The following USH2A variants were observed in gnomAD, a reference collection of about 807,000 sequenced individuals.
USH2A encodes the protein Usher syndrome 2A (autosomal recessive, mild).
In USH2A, 443 loss-of-function variants were observed where a neutral mutation model predicts 538.9. The ratio of observed to expected loss-of-function variants is 0.82; its 90% CI spans 0.76 to 0.89. The LOEUF (loss-of-function observed/expected upper bound fraction) is 0.89, where lower values mean the gene tolerates loss of function less well. Among genes scored for constraint, USH2A ranks in the 40% least tolerant of loss-of-function variants. The pLI, the probability that USH2A is intolerant of heterozygous loss-of-function variation, is 0.00. For synonymous variants in USH2A, 2,413 were observed against 2,273.5 expected, an observed-to-expected ratio of 1.06 and a Z score of -1.75; for missense variants, 6,633 against 6,324.8, an observed-to-expected ratio of 1.05 and a Z score of -1.65.
In USH2A at chr1:216,073,267, G is replaced by A. The variant is rs747972422; in HGVS notation, c.5606C>T (p.Thr1869Ile). The A allele has an allele frequency of 1.9e-6, 3 of 1,613,700 alleles. No individual in the cohort carries two copies. Among genetic ancestry groups the A allele is most frequent in the Non-Finnish European group, 2.5e-6 (3 of 1,179,934 alleles). The change falls in exon 28 of 72, where the codon ACA (threonine) becomes ATA (isoleucine). Residue 1869 changes from threonine (T) to isoleucine (I), a missense_variant. Transcript: ENST00000307340. Reference protein sequence around the residue: ...FGGCMKDVKFTRGAVVNLASV... With the variant: ...FGGCMKDVKFIRGAVVNLASV... ...TGCCAAGTTAACGACAGCACCCCGT[G>A]TAAATTTAACATCCTTCATGCAACC...
chr1:215,775,134 C>G (rs1490731018), intron 55 of USH2A, among the ~76,000 whole-genome samples: 5 of 152,088 alleles, frequency 3.3e-5, no homozygotes, highest in African/African-American at 4.8e-5. Context: ...TTCTTGCTAT[C>G]TGTTTTAATT....
At chr1:216,290,232 A>G (rs1006968173) in intron 10 of USH2A, among the ~76,000 whole-genome samples, 29 of 152,322 alleles carry the variant, frequency 1.9e-4, no homozygotes, top group African/African-American at 7.0e-4. Context: ...TTTCTCCAAT[A>G]TTTGAAGACT....
At chr1:216,118,660 T>C (rs1001479297) in intron 21 of USH2A, among the ~76,000 whole-genome samples, 8 of 152,250 alleles carry the variant, frequency 5.3e-5, no homozygotes, top group African/African-American at 1.9e-4. Flanking sequence ...ATACCTGGTT[T>C]CTGTTTTTTA....
chr1:216,331,388 G>T (rs2037860833), intron 4 of USH2A, among the ~76,000 whole-genome samples: 1 of 152,078 alleles, frequency 6.6e-6, no homozygotes, highest in African/African-American at 2.4e-5. Context: ...CCTCATAGCT[G>T]TCTAGTCAGA....
chr1:215,674,768 C>T lies in USH2A; in HGVS notation c.13143G>A (p.Val4381=). The part of the protein sequence containing the change: ...QMNVCWSPPT[V]QNGKITKYLV... ...AATATTTAGTAATCTTTCCATTTTG[C>T]ACTGTGGGCGGTGACCAACATACAT... The change falls in exon 63 of 72, where the codon GTG becomes GTA. Residue 4381 remains valine, a synonymous_variant. Coordinates refer to ENST00000307340, the MANE Select transcript of USH2A (RefSeq NM_206933.4). 6.2e-7 allele frequency: 1 copy of T among 1,614,104 alleles called. No homozygotes were observed. The highest frequency in any genetic ancestry group is 8.5e-7 in the Non-Finnish European group (1 of 1,180,030).
intron 52 of USH2A, among the ~76,000 whole-genome samples, chr1:215,784,655 TAA>T (rs765216954): frequency 3.3e-5 from 5 of 152,204 alleles, no homozygotes; most frequent in Admixed American, 6.5e-5. Context: ...TGTAAGTTTC[TAA>T]AAGAGTCTGA....
intron 3 of USH2A, among the ~76,000 whole-genome samples, chr1:216,401,294 AC>A (rs1158492681): frequency 6.6e-6 from 1 of 152,080 alleles, no homozygotes; most frequent in Admixed American, 6.5e-5. Context: ...AAAAAGATAT[AC>A]CCAAAATGCT....
intron 32 of USH2A, among the ~76,000 whole-genome samples, chr1:216,014,841 T>C (rs77499755): frequency 0.018 from 2,765 of 152,334 alleles, 80 homozygotes; most frequent in African/African-American, 0.063. Context: ...TATTTTACGA[T>C]TGATTTCATG....
intron 38 of USH2A, among the ~76,000 whole-genome samples, chr1:215,901,932 G>T (rs1322219080): frequency 6.6e-6 from 1 of 152,042 alleles, no homozygotes; most frequent in Non-Finnish European, 1.5e-5. Flanking sequence ...TCTAAAGTAG[G>T]TATAATATTT....
At chr1:215,852,845 C>T (rs1257069445) in intron 44 of USH2A, among the ~76,000 whole-genome samples, 1 of 152,186 alleles carries the variant, frequency 6.6e-6, no homozygotes, top group African/African-American at 2.4e-5. Flanking sequence ...GAGGTGGGTT[C>T]CCATGGTCTT....
At chr1:215,804,981 G>T (rs28868575) in intron 49 of USH2A, among the ~76,000 whole-genome samples, 62,872 of 151,476 alleles carry the variant, frequency 0.42, 13,922 homozygotes, top group Admixed American at 0.55. Context: ...CATGTTCTTT[G>T]TAGGGACATG....
intron 13 of USH2A, among the ~76,000 whole-genome samples, chr1:216,240,518 C>T (rs1426794301): frequency 1.4e-5 from 2 of 139,248 alleles, no homozygotes; most frequent in African/African-American, 5.4e-5. Context: ...ACTTCCAGGT[C>T]GTTAAAAAAA....
At chr1:215,795,968 TAATA>T (rs1241156193) in intron 50 of USH2A, among the ~76,000 whole-genome samples, 4 of 152,092 alleles carry the variant, frequency 2.6e-5, no homozygotes, top group African/African-American at 9.7e-5. Flanking sequence ...AGACATAAAA[TAATA>T]AATCTATAAC....
intron 64 of USH2A, among the ~76,000 whole-genome samples, chr1:215,654,879 A>G (rs1657192423): frequency 6.6e-6 from 1 of 152,174 alleles, no homozygotes; most frequent in Non-Finnish European, 1.5e-5. Flanking sequence ...TCCTACCCCA[A>G]AGGACTAATT....
chr1:216,323,466 A>C lies in USH2A; in HGVS notation c.1550+8T>G, dbSNP rs1571700973. ...AAACCTTGTTGAAAACAAAATTCAT[A>C]ATAATACCTCCCACTAATGGTGATT... On this transcript the variant is annotated splice_region_variant and intron_variant, in intron 8 of 71. Transcript: ENST00000307340. 3 of 1,612,868 alleles carry C rather than the reference A, an allele frequency of 1.9e-6. No individual in the cohort carries two copies. The South Asian group carries it at 3.3e-5, about 18-fold the overall frequency.
Position 215,817,171 on chromosome 1 carries a change from A to G in USH2A, c.9396T>C (p.Ser3132=). The G allele has an allele frequency of 6.2e-7, 1 of 1,612,370 alleles. No individual in the cohort carries two copies. Among genetic ancestry groups the G allele is most frequent in the Non-Finnish European group, 8.5e-7 (1 of 1,178,782 alleles). The change falls in exon 48 of 72, where the codon TCT becomes TCC. Residue 3132 remains serine (S), a synonymous_variant. Transcript: ENST00000307340. ...GAATGATGCCATTTGGCTTCCGTGGAGACACCCAATCAATTTGAAGAGATC... is the reference window on the plus strand; with the variant it reads ...GAATGATGCCATTTGGCTTCCGTGGGGACACCCAATCAATTTGAAGAGATC... ...TSRSLQIDWV[S]PRKPNGIILG...
chr1:215,922,646 A>T (rs896084920), intron 38 of USH2A, among the ~76,000 whole-genome samples: 1 of 152,082 alleles, frequency 6.6e-6, no homozygotes, highest in Non-Finnish European at 1.5e-5. Flanking sequence ...GAATCTCATT[A>T]AAACACAGAT....
chr1:215,709,019 A>G (rs1659261967), intron 61 of USH2A, among the ~76,000 whole-genome samples: 1 of 152,234 alleles, frequency 6.6e-6, no homozygotes, highest in African/African-American at 2.4e-5. Flanking sequence ...AATGAAGAAC[A>G]AATAAATGGC....
chr1:215,912,492 T>TATATATATAC (rs759012881), intron 38 of USH2A, among the ~76,000 whole-genome samples: 5 of 34,996 alleles, frequency 1.4e-4, no homozygotes, highest in African/African-American at 5.1e-4. Context: ...TATATATATG[T>TATATATATAC]GTATATATAT....
Sources: gnomAD v4.1 joint callset for allele counts (sites outside exome capture counted in the v4.1 genomes callset) on GRCh38, gnomAD v4.1.1 for gene constraint, MANE v1.5 for transcripts, NCBI Gene and HGNC (gene_info 2026-07-23, HGNC 2026-07-21) for gene names.